The following PDILT variants were observed in gnomAD, a reference collection of about 807,000 sequenced individuals.
PDILT encodes the protein protein disulfide-isomerase-like protein of the testis.
In PDILT, 43 loss-of-function variants were observed where a neutral mutation model predicts 53.7. That is an observed-to-expected ratio of 0.80 (90% CI 0.63 to 1.03). The LOEUF (loss-of-function observed/expected upper bound fraction) is 1.03, where lower values mean the gene tolerates loss of function less well. Among genes scored for constraint, PDILT ranks in the 50% least tolerant of loss-of-function variants. PDILT has a pLI of 0.00. For missense variants in PDILT, 727 were observed against 712.3 expected (o/e 1.02, Z -0.24); for synonymous variants, 282 against 274.2 (o/e 1.03, Z -0.28).
At chr16:20,383,743 T>C (rs1190805050) in intron 3 of PDILT, among the ~76,000 whole-genome samples, 4 of 152,190 alleles carry the variant, frequency 2.6e-5, no homozygotes, top group African/African-American at 9.7e-5. Context: ...ACATATATAA[T>C]GGGAACATTC....
rs533060207 is a variant in PDILT at position 20,370,994 on chromosome 16, C to T, written c.919-1305G>A. On this transcript the variant is annotated intron_variant, in intron 7 of 11. Transcript: ENST00000302451. ...AAATGGCAACCAGCCGCCCTCGGGG[C>T]TGCTCTGTCTATGGAGTACCCATTC... 3.3e-5 allele frequency among the ~76,000 whole-genome samples: 5 copies of T among 152,372 alleles called. No individual in the cohort carries two copies. The South Asian group carries it at 8.3e-4, about 25-fold the overall frequency.
chr16:20,385,614 C>A (rs369465971), intron 2 of PDILT, among the ~76,000 whole-genome samples: 26 of 151,466 alleles, frequency 1.7e-4, no homozygotes, highest in Non-Finnish European at 2.7e-4. Context: ...GGTGAGGGAT[C>A]AAAAAAAACT....
chr16:20,376,413 G>T (rs1202168983), intron 3 of PDILT, among the ~76,000 whole-genome samples: 1 of 152,048 alleles, frequency 6.6e-6, no homozygotes, highest in African/African-American at 2.4e-5. Flanking sequence ...ACTCAACAAG[G>T]CCCAGACACT....
intron 4 of PDILT, 80 bp downstream of exon 4, chr16:20,375,988 G>A (rs1966379948): frequency 1.3e-6 from 2 of 1,541,278 alleles, no homozygotes; most frequent in East Asian, 2.3e-5. Flanking sequence ...CAAAACGGAA[G>A]AGTCTCCTCA....
intron 11 of PDILT, among the ~76,000 whole-genome samples, chr16:20,359,879 G>C (rs1278427587): frequency 6.6e-6 from 1 of 152,226 alleles, no homozygotes; most frequent in Non-Finnish European, 1.5e-5. Flanking sequence ...ACCAGTCTTA[G>C]CTAATGAGAT....
chr16:20,397,142 T>G (rs1966671897), intron 2 of PDILT, among the ~76,000 whole-genome samples: 1 of 152,202 alleles, frequency 6.6e-6, no homozygotes, highest in Non-Finnish European at 1.5e-5. Flanking sequence ...TATTTATTTA[T>G]TTATTTATTT....
chr16:20,365,481 GAGCTGCTTA>G lies in PDILT; in HGVS notation c.1167_1175del (p.Lys390_Leu392del), dbSNP rs1436419584. ...CGACTACGTTGAAGTTCTTCCCCACGAGCTGCTTAACCAGTCCCTGGTCCCAGTATTTTG... is the reference window on the plus strand; with the variant it reads ...CGACTACGTTGAAGTTCTTCCCCACGACCAGTCCCTGGTCCCAGTATTTTG... On this transcript the variant is annotated inframe_deletion, in exon 9 of 12. Coordinates refer to ENST00000302451, the MANE Select transcript of PDILT (RefSeq NM_174924.2). The G allele has an allele frequency of 2.5e-6, 4 of 1,613,648 alleles. No individual in the cohort carries two copies. The African/African-American group carries it at 5.3e-5, about 22-fold the overall frequency.
chr16:20,370,378 G>A (rs1307306240), intron 7 of PDILT, among the ~76,000 whole-genome samples: 1 of 152,208 alleles, frequency 6.6e-6, no homozygotes, highest in Non-Finnish European at 1.5e-5. Flanking sequence ...GAGAGTAACT[G>A]CCCCGATGGG....
At chr16:20,399,372 C>T in intron 1 of PDILT, 65 bp from the exon 2 acceptor site, 1 of 1,537,132 alleles carries the variant, frequency 6.5e-7, no homozygotes, top group African/African-American at 1.4e-5. Flanking sequence ...ACGTCATCAC[C>T]CCCACTTCCT....
chr16:20,366,857 A>G (rs1966198747), intron 8 of PDILT, among the ~76,000 whole-genome samples: 1 of 151,384 alleles, frequency 6.6e-6, no homozygotes, highest in East Asian at 2.0e-4. Flanking sequence ...ATCCTCCCAC[A>G]CCTTTATTCT....
Position 20,369,575 on chromosome 16 carries a change from C to T in PDILT, c.1033G>A (p.Ala345Thr), listed in dbSNP as rs747898472. Residue 345 changes from alanine to threonine, a missense_variant, in exon 8 of 12, where the codon GCC becomes ACC. Physicochemically the swap from Ala to Thr is moderately conservative, Grantham distance 58 (BLOSUM62 0). Transcript: ENST00000302451. ...SVQILNLSSD[A>T]RYKMPSDDIT... ...TCATCTGAAGGCATTTTGTACCTGG[C>T]GTCAGAGCTCAAGTTTAGGATTTGG... is the stretch of plus-strand genomic sequence containing the variant. The T allele has an allele frequency of 1.4e-5, 23 of 1,614,180 alleles. No homozygotes were observed. Among genetic ancestry groups the T allele is most frequent in the East Asian group, 4.5e-5 (2 of 44,892 alleles).
Position 20,371,462 on chromosome 16 carries a change from C to T in PDILT, c.918+1340G>A, listed in dbSNP as rs185578691. ...TAGGTGCCAGGGAAATTGAAAAACA[C>T]AGCAAACATATTAAAACCATCCTTG... is the stretch of plus-strand genomic sequence containing the variant. On this transcript the variant is annotated intron_variant, in intron 7 of 11. Coordinates refer to ENST00000302451, the MANE Select transcript of PDILT (RefSeq NM_174924.2). Among the ~76,000 whole-genome samples the T allele has an allele frequency of 1.9e-3, 286 of 152,318 alleles. 1 individual carries two copies. Among genetic ancestry groups the T allele is most frequent in the African/African-American group, 6.7e-3 (279 of 41,570 alleles).
chr16:20,400,046 CTATCTATCTATA>C (rs1380279079), intron 1 of PDILT, among the ~76,000 whole-genome samples: 1,634 of 122,144 alleles, frequency 0.013, 31 homozygotes, highest in African/African-American at 0.058. Flanking sequence ...ATCTATCTAT[CTATCTATCTATA>C]TATATATATA....
intron 3 of PDILT, among the ~76,000 whole-genome samples, chr16:20,379,996 A>G (rs948048774): frequency 1.3e-5 from 2 of 152,268 alleles, no homozygotes; most frequent in African/African-American, 4.8e-5. Flanking sequence ...TTTGTCTGGC[A>G]AAAGTATATT....
intron 3 of PDILT, 26 bp downstream of exon 3, chr16:20,384,619 C>T: frequency 6.2e-7 from 1 of 1,613,564 alleles, no homozygotes; most frequent in Middle Eastern, 1.8e-4. Flanking sequence ...GAGCATGAAA[C>T]AAGTGTGACA....
chr16:20,372,982 C>G, intron 6 of PDILT, 30 bp downstream of exon 6: 1 of 1,613,466 alleles, frequency 6.2e-7, no homozygotes, highest in Non-Finnish European at 8.5e-7. Context: ...CCCCAGCTCC[C>G]CTTCCTCCGG....
At chr16:20,398,073 G>C (rs1343351384) in intron 2 of PDILT, among the ~76,000 whole-genome samples, 3 of 152,156 alleles carry the variant, frequency 2.0e-5, no homozygotes, top group Admixed American at 2.0e-4. Flanking sequence ...CTATCAAATA[G>C]GGAGATGACT....
At chr16:20,384,019 G>T (rs147791811) in intron 3 of PDILT, among the ~76,000 whole-genome samples, 1 of 152,212 alleles carries the variant, frequency 6.6e-6, no homozygotes. Flanking sequence ...ATGATAGAAC[G>T]TAAGGTGTTT....
intron 1 of PDILT, among the ~76,000 whole-genome samples, chr16:20,403,763 C>G (rs72776689): frequency 0.024 from 3,626 of 152,244 alleles, 56 homozygotes; most frequent in Non-Finnish European, 0.041. Context: ...CTGGACCCAT[C>G]TGACCTTATC....
Sources: allele counts gnomAD v4.1 joint callset (sites outside exome capture counted in the v4.1 genomes callset), GRCh38; gene constraint gnomAD v4.1.1; transcripts MANE v1.5; gene names NCBI Gene and HGNC (gene_info 2026-07-23, HGNC 2026-07-21).